UBE2W: variants seen among roughly 807,000 people sequenced by gnomAD.
UBE2W encodes the protein ubiquitin conjugating enzyme E2 W, also known as ubiquitin-conjugating enzyme E2 W.
In UBE2W, 18 loss-of-function variants were observed where a neutral mutation model predicts 27.2. That is an observed-to-expected ratio of 0.66 (90% CI 0.46 to 0.98). The LOEUF is 0.98. Among genes scored for constraint, UBE2W ranks in the 50% least tolerant of loss-of-function variants. The probability of loss-of-function intolerance (pLI) is 0.00; values close to 1 mark genes in which losing one functional copy is unlikely to be tolerated. For missense variants in UBE2W, 90 were observed against 180.2 expected (o/e 0.50, Z 2.87); for synonymous variants, 53 against 57.2 (o/e 0.93, Z 0.33).
Position 73,805,454 on chromosome 8 carries a change from C to CAAAAAAAAAAAAAAAAAAAAA in UBE2W, c.442+196_442+197insTTTTTTTTTTTTTTTTTTTTT, listed in dbSNP as rs1162712227. On this transcript the variant is annotated intron_variant, in intron 5 of 5. Coordinates refer to ENST00000602593, the MANE Select transcript of UBE2W (RefSeq NM_018299.6). ...GGGCAACAAGAGCAAAACTCCATCTCAAAAAAAAAAAAAAAAACAAAAAAA... is the reference window on the plus strand; with the variant it reads ...GGGCAACAAGAGCAAAACTCCATCTCAAAAAAAAAAAAAAAAAAAAAAAAAAAAAAAAAAAAAACAAAAAAA... 3.2e-3 allele frequency among the ~76,000 whole-genome samples: 47 copies of CAAAAAAAAAAAAAAAAAAAAA among 14,562 alleles called. 3 individuals are homozygous for CAAAAAAAAAAAAAAAAAAAAA. The highest frequency in any genetic ancestry group is 5.6e-3 in the Admixed American group (4 of 718). The allele number at this position is 14,562 out of a possible 152,430, so 9.6% of individuals were successfully genotyped here. A position where few individuals can be genotyped will look rare whatever the true frequency, so the allele number is the denominator to read the frequency against.
At chr8:73,847,210 A>T (rs1810847965) in intron 1 of UBE2W, among the ~76,000 whole-genome samples, 1 of 152,232 alleles carries the variant, frequency 6.6e-6, no homozygotes, top group East Asian at 1.9e-4. Flanking sequence ...AAAAGTCTAG[A>T]ATTCGTAATT....
intron 1 of UBE2W, among the ~76,000 whole-genome samples, chr8:73,832,770 G>A (rs1358020116): frequency 3.9e-5 from 6 of 152,176 alleles, no homozygotes; most frequent in Non-Finnish European, 1.5e-5. Context: ...TACTTAAAAT[G>A]TTTCAGATTT....
At chr8:73,866,269 A>T (rs1448491517) in intron 1 of UBE2W, among the ~76,000 whole-genome samples, 1 of 32,868 alleles carries the variant, frequency 3.0e-5, no homozygotes, top group African/African-American at 1.4e-4. Flanking sequence ...GACTTGGTCT[A>T]AAAAAAAAAA....
chr8:73,867,899 G>T (rs1369176017), intron 1 of UBE2W, among the ~76,000 whole-genome samples: 1 of 151,930 alleles, frequency 6.6e-6, no homozygotes, highest in Non-Finnish European at 1.5e-5. Flanking sequence ...AATAAACACT[G>T]GCCAAACATA....
In UBE2W at chr8:73,787,339, C is replaced by T; in HGVS notation, c.*6763G>A. ...AAATGAGTAAGAAATATAGGGAGGA[C>T]ATAAACAGAGTCACTTATCCAGGGT... On this transcript the variant is annotated 3_prime_UTR_variant, in exon 6 of 6. Transcript: ENST00000602593. The T allele has an allele frequency of 1.0e-6, 1 of 985,324 alleles. No individual in the cohort carries two copies. The highest frequency in any genetic ancestry group is 1.2e-6 in the Non-Finnish European group (1 of 829,906). 61.0% of individuals were successfully genotyped at this position (985,324 alleles called of 1,614,324 possible).
chr8:73,822,039 G>A (rs933821692), intron 3 of UBE2W, among the ~76,000 whole-genome samples: 1 of 152,144 alleles, frequency 6.6e-6, no homozygotes, highest in African/African-American at 2.4e-5. Flanking sequence ...AATTGAAGCT[G>A]TAAAACTACA....
intron 1 of UBE2W, among the ~76,000 whole-genome samples, chr8:73,845,268 A>G (rs1007781187): frequency 1.3e-5 from 2 of 152,244 alleles, no homozygotes; most frequent in Admixed American, 1.3e-4. Flanking sequence ...TGTCGAACAG[A>G]AAAGGAGGAA....
At chr8:73,853,997 A>C (rs1811182284) in intron 1 of UBE2W, among the ~76,000 whole-genome samples, 2 of 152,052 alleles carry the variant, frequency 1.3e-5, no homozygotes, top group African/African-American at 4.8e-5. Context: ...AAAAAATAAA[A>C]AATTAGCTGG....
chr8:73,832,739 T>TA (rs1443203419), intron 1 of UBE2W, among the ~76,000 whole-genome samples: 2 of 152,226 alleles, frequency 1.3e-5, no homozygotes, highest in Non-Finnish European at 2.9e-5. Flanking sequence ...CAATGAACAT[T>TA]ACCTTTGAGT....
intron 2 of UBE2W, among the ~76,000 whole-genome samples, chr8:73,827,779 A>AT (rs1809912043): frequency 6.6e-6 from 1 of 151,906 alleles, no homozygotes; most frequent in Non-Finnish European, 1.5e-5. Context: ...GGCTCAAGGG[A>AT]TCCTCCTGCC....
chr8:73,787,867 A>C lies in UBE2W; in HGVS notation c.*6235T>G, dbSNP rs1168653780. The C allele has an allele frequency of 1.0e-6, 1 of 985,334 alleles. No homozygotes were observed. Among genetic ancestry groups the C allele is most frequent in the African/African-American group, 1.7e-5 (1 of 57,244 alleles). 61.0% of individuals were successfully genotyped at this position (985,334 alleles called of 1,614,324 possible). On this transcript the variant is annotated 3_prime_UTR_variant, in exon 6 of 6. Coordinates refer to ENST00000602593, the MANE Select transcript of UBE2W (RefSeq NM_018299.6). The stretch of plus-strand genomic sequence containing the variant: ...TGGGTCTCCATTTCCATCTTCACTG[A>C]AAACACTCAGTCTTTAGTTGGGACT...
chr8:73,795,862 G>T, intron 5 of UBE2W: 4 of 763,902 alleles, frequency 5.2e-6, no homozygotes, highest in Non-Finnish European at 6.4e-6. Context: ...TGGATGGACT[G>T]CTTGGGCCCA....
At chr8:73,878,117 G>A (rs903759559) in intron 1 of UBE2W, among the ~76,000 whole-genome samples, 1 of 152,236 alleles carries the variant, frequency 6.6e-6, no homozygotes, top group Non-Finnish European at 1.5e-5. Flanking sequence ...TCGGCTCTCG[G>A]GAGATCGCCC....
chr8:73,832,267 C>T (rs544807359), intron 1 of UBE2W, among the ~76,000 whole-genome samples: 11 of 151,900 alleles, frequency 7.2e-5, no homozygotes, highest in Non-Finnish European at 1.6e-4. Context: ...TACCACTGCA[C>T]TCCAGCCTAA....
At chr8:73,878,025 T>A (rs1812308137) in intron 1 of UBE2W, among the ~76,000 whole-genome samples, 2 of 152,240 alleles carry the variant, frequency 1.3e-5, no homozygotes, top group South Asian at 4.1e-4. Context: ...TATAGCCTTA[T>A]CGCGACCGCA....
chr8:73,806,889 C>T (rs1350310297), intron 4 of UBE2W, among the ~76,000 whole-genome samples: 1 of 152,162 alleles, frequency 6.6e-6, no homozygotes, highest in Middle Eastern at 3.2e-3. Context: ...GGCATTTCTA[C>T]TATAATTGGC....
rs114660164 is a variant in UBE2W, at chr8:73,835,722, G to A, written c.16-5250C>T. Among the ~76,000 whole-genome samples the A allele has an allele frequency of 4.4e-3, 672 of 152,266 alleles. 7 individuals are homozygous for A. The highest frequency in any genetic ancestry group is 0.015 in the African/African-American group (641 of 41,546). The stretch of plus-strand genomic sequence containing the variant: ...CAAGCTGCTGCACTCCAGCCTGGGC[G>A]AGAGAGCGAGACTTTGCCTCAAAAA... On this transcript the variant is annotated intron_variant, in intron 1 of 5. Transcript: ENST00000602593.
In UBE2W at chr8:73,813,450, A is replaced by C. The variant is rs1262264923; in HGVS notation, c.211-2821T>G. On this transcript the variant is annotated intron_variant, in intron 3 of 5. Coordinates refer to ENST00000602593, the MANE Select transcript of UBE2W (RefSeq NM_018299.6). The stretch of plus-strand genomic sequence containing the variant: ...GTAGAAGAGGACTGAGATAAAAATA[A>C]TTCAGATCTCAATAACCTTTAAATA... 4.6e-5 allele frequency among the ~76,000 whole-genome samples: 7 copies of C among 152,212 alleles called. No homozygotes were observed. The East Asian group carries it at 1.2e-3, about 25-fold the overall frequency.
intron 1 of UBE2W, among the ~76,000 whole-genome samples, chr8:73,846,584 AG>A (rs1810811294): frequency 6.6e-6 from 1 of 152,220 alleles, no homozygotes; most frequent in Non-Finnish European, 1.5e-5. Context: ...CCAAGGTCAC[AG>A]GCTTTGCCAC....
Sources: allele counts gnomAD v4.1 joint callset (sites outside exome capture counted in the v4.1 genomes callset), GRCh38; gene constraint gnomAD v4.1.1; transcripts MANE v1.5; gene names NCBI Gene and HGNC (gene_info 2026-07-23, HGNC 2026-07-21).